The following NRG1 variants were observed in gnomAD, a reference collection of about 807,000 sequenced individuals.
NRG1 encodes pro-neuregulin-1, membrane-bound isoform.
NRG1 carries 18 observed loss-of-function variants against 63.8 expected under a neutral mutation model. The observed-to-expected ratio is 0.28, with a 90% confidence interval of 0.19 to 0.42. NRG1 has a LOEUF of 0.42. Ranked by LOEUF, NRG1 falls within the 10% of genes least tolerant of loss-of-function variation. The probability of loss-of-function intolerance (pLI) is 1.00; values close to 1 mark genes in which losing one functional copy is unlikely to be tolerated. For missense variants in NRG1, 762 were observed against 814.7 expected, an observed-to-expected ratio of 0.94 and a Z score of 0.79; for synonymous variants, 302 against 301.3, an observed-to-expected ratio of 1.00 and a Z score of -0.02.
At chr8:32,026,905 A>G (rs1054479133) in intron 1 of NRG1, among the ~76,000 whole-genome samples, 2 of 151,890 alleles carry the variant, frequency 1.3e-5, no homozygotes, top group Non-Finnish European at 1.5e-5. Flanking sequence ...TTATCTCCTT[A>G]TCTGTTCATC....
At chr8:32,413,206 A>C (rs528952608) in intron 1 of NRG1, among the ~76,000 whole-genome samples, 1 of 152,324 alleles carries the variant, frequency 6.6e-6, no homozygotes, top group South Asian at 2.1e-4. Context: ...ATATCTAAAC[A>C]ACTTAAATGC....
chr8:32,248,196 T>C (rs1848771664), intron 1 of NRG1, among the ~76,000 whole-genome samples: 1 of 152,128 alleles, frequency 6.6e-6, no homozygotes, highest in Non-Finnish European at 1.5e-5. Context: ...TTATGCCTTG[T>C]AGAATCTCAT....
chr8:32,474,482 T>TTCA (rs397818065), intron 1 of NRG1, among the ~76,000 whole-genome samples: 4 of 145,592 alleles, frequency 2.7e-5, no homozygotes, highest in African/African-American at 1.0e-4. Flanking sequence ...TGGACTGCTC[T>TTCA]CAGTGATATT....
Position 32,112,313 on chromosome 8 carries a change from G to A in NRG1, c.37+472882G>A, listed in dbSNP as rs1325814481. On this transcript the variant is annotated intron_variant, in intron 1 of 10. Coordinates refer to the NRG1 transcript ENST00000519301. Reference sequence around the variant, plus strand: ...AAATCAGAATTATTCCAGAAAGTGAGGCTATGAAGGTTTCATTGTAGGAAA... The same window carrying A: ...AAATCAGAATTATTCCAGAAAGTGAAGCTATGAAGGTTTCATTGTAGGAAA... 2.0e-5 allele frequency among the ~76,000 whole-genome samples: 3 copies of A among 152,212 alleles called. No individual in the cohort carries two copies. In the East Asian group the frequency reaches 5.8e-4, roughly 29 times the overall value.
intron 1 of NRG1, among the ~76,000 whole-genome samples, chr8:32,366,528 C>A (rs1269689254): frequency 1.3e-5 from 2 of 151,654 alleles, no homozygotes; most frequent in South Asian, 2.1e-4. Context: ...TAACAGATTT[C>A]ATTCTTTTTA....
chr8:32,161,963 G>C (rs1471259950), intron 1 of NRG1, among the ~76,000 whole-genome samples: 8 of 152,146 alleles, frequency 5.3e-5, no homozygotes, highest in Admixed American at 3.9e-4. Flanking sequence ...TCCCCACCTG[G>C]CTTAGTGCTC....
intron 1 of NRG1, among the ~76,000 whole-genome samples, chr8:32,235,810 A>T (rs1452195973): frequency 6.6e-6 from 1 of 152,166 alleles, no homozygotes; most frequent in Admixed American, 6.5e-5. Flanking sequence ...TAACAAAAAA[A>T]TCTGTTTAGG....
chr8:32,099,870 G>A (rs537494141), intron 1 of NRG1: 1 of 152,388 alleles, frequency 6.6e-6, no homozygotes, highest in East Asian at 1.9e-4. Flanking sequence ...GTTGCAGAAA[G>A]AAACAACCTG....
At chr8:32,737,977 A>G (rs1001829112) in intron 6 of NRG1, among the ~76,000 whole-genome samples, 1 of 152,052 alleles carries the variant, frequency 6.6e-6, no homozygotes, top group Non-Finnish European at 1.5e-5. Flanking sequence ...CTGGCCTGAA[A>G]GTCTCCTTTG....
chr8:32,662,251 A>C (rs1031824866), intron 5 of NRG1, among the ~76,000 whole-genome samples: 1 of 152,152 alleles, frequency 6.6e-6, no homozygotes, highest in African/African-American at 2.4e-5. Flanking sequence ...TGAATGAATT[A>C]ATGGAGTTAA....
intron 1 of NRG1, among the ~76,000 whole-genome samples, chr8:31,783,382 C>T (rs746780730): frequency 6.6e-6 from 1 of 152,028 alleles, no homozygotes; most frequent in Non-Finnish European, 1.5e-5. Flanking sequence ...ATGATATTTT[C>T]CCAGGGAAGT....
chr8:32,682,712 G>C (rs887922774), intron 5 of NRG1, among the ~76,000 whole-genome samples: 2 of 152,054 alleles, frequency 1.3e-5, no homozygotes, highest in African/African-American at 4.8e-5. Flanking sequence ...ATATGGTAAG[G>C]CTTCTAGAAA....
intron 5 of NRG1, among the ~76,000 whole-genome samples, chr8:32,694,893 G>A (rs780829145): frequency 1.3e-5 from 2 of 152,164 alleles, no homozygotes; most frequent in Non-Finnish European, 2.9e-5. Context: ...TAGGACTCTG[G>A]CTTTCAGGAC....
At chr8:32,751,679 T>C (rs1453899413) in intron 7 of NRG1, among the ~76,000 whole-genome samples, 1 of 152,228 alleles carries the variant, frequency 6.6e-6, no homozygotes, top group African/African-American at 2.4e-5. Context: ...CTGTATTCTA[T>C]GGGCCTTCGC....
chr8:32,470,693 C>G (rs1381473674), intron 1 of NRG1, among the ~76,000 whole-genome samples: 2 of 152,158 alleles, frequency 1.3e-5, no homozygotes, highest in African/African-American at 4.8e-5. Flanking sequence ...GAATCCTACC[C>G]TAATACTTCC....
chr8:31,921,235 G>A (rs1314133604), intron 1 of NRG1, among the ~76,000 whole-genome samples: 1 of 151,828 alleles, frequency 6.6e-6, no homozygotes, highest in Admixed American at 6.6e-5. Context: ...CCTGAAAGTC[G>A]CCACACTATA....
At chr8:32,514,243 CA>C (rs1461514530) in intron 1 of NRG1, among the ~76,000 whole-genome samples, 3 of 152,138 alleles carry the variant, frequency 2.0e-5, no homozygotes, top group African/African-American at 7.2e-5. Flanking sequence ...ATCATTACAT[CA>C]TTTGCAGAAA....
chr8:32,110,012 C>A (rs1331347386), intron 1 of NRG1, among the ~76,000 whole-genome samples: 1 of 152,084 alleles, frequency 6.6e-6, no homozygotes, highest in Non-Finnish European at 1.5e-5. Flanking sequence ...ACTGACAATT[C>A]TATGTCAGAG....
At chr8:31,939,873 T>A (rs922420693) in intron 1 of NRG1, among the ~76,000 whole-genome samples, 1 of 152,074 alleles carries the variant, frequency 6.6e-6, no homozygotes, top group Non-Finnish European at 1.5e-5. Context: ...ATACCGCAAT[T>A]CTAAATATAT....
Sources: gnomAD v4.1 joint callset for allele counts (sites outside exome capture counted in the v4.1 genomes callset) on GRCh38, gnomAD v4.1.1 for gene constraint, MANE v1.5 for transcripts, NCBI Gene and HGNC (gene_info 2026-07-23, HGNC 2026-07-21) for gene names.